Variants in UACA observed in about 807,000 individuals in gnomAD.
UACA encodes nuclear membrane binding protein.
In UACA, 112 loss-of-function variants were observed where a neutral mutation model predicts 160.5. The observed-to-expected ratio is 0.70, with a 90% CI of 0.60 to 0.82. The LOEUF (loss-of-function observed/expected upper bound fraction) is 0.82, where lower values mean the gene tolerates loss of function less well. UACA is among the 40% of genes least tolerant of loss of function. The pLI is 0.00. For synonymous variants in UACA, 557 were observed against 568.4 expected, an observed-to-expected ratio of 0.98 and a Z score of 0.29; for missense variants, 1,574 against 1,614.6, an observed-to-expected ratio of 0.97 and a Z score of 0.43.
At chr15:70,691,668 A>C (rs929229664) in intron 3 of UACA, among the ~76,000 whole-genome samples, 1 of 152,180 alleles carries the variant, frequency 6.6e-6, no homozygotes, top group Admixed American at 6.5e-5. Context: ...CAGATAATTA[A>C]ATACTGGCAC....
intron 1 of UACA, among the ~76,000 whole-genome samples, chr15:70,736,022 T>A (rs910611613): frequency 1.9e-4 from 29 of 152,216 alleles, no homozygotes; most frequent in Non-Finnish European, 3.4e-4. Flanking sequence ...AGGTTTTTTT[T>A]ATACTTTTGT....
At chr15:70,763,609 C>A (rs549489480), upstream of UACA, 1,890 of 1,140,542 alleles carry the variant, frequency 1.7e-3, 24 homozygotes, top group African/African-American at 0.027. Flanking sequence ...GCTGCCCTGG[C>A]GGGGGCGTGG....
chr15:70,659,391 G>GTTTTTTTT (rs1375150038), intron 18 of UACA, among the ~76,000 whole-genome samples: 4 of 9,962 alleles, frequency 4.0e-4, no homozygotes, highest in Non-Finnish European at 8.4e-4. Flanking sequence ...TTCATTTTTT[G>GTTTTTTTT]TTTGTTTTTT....
chr15:70,661,616 C>A (rs1896708838), intron 17 of UACA: 1 of 152,098 alleles, frequency 6.6e-6, no homozygotes, highest in Non-Finnish European at 1.5e-5. Flanking sequence ...ACATCAGCAA[C>A]AATTTACATG....
At chr15:70,710,957 CTGGAG>C (rs1898665699) in intron 1 of UACA, among the ~76,000 whole-genome samples, 1 of 152,202 alleles carries the variant, frequency 6.6e-6, no homozygotes, top group African/African-American at 2.4e-5. Flanking sequence ...GCCCCTGAGG[CTGGAG>C]TGGGCTGAAA....
chr15:70,763,507 G>C lies in UACA; in HGVS notation c.-100C>G. 1 of 1,251,216 alleles carries C rather than the reference G, an allele frequency of 8.0e-7. No individual in the cohort carries two copies. Among genetic ancestry groups the C allele is most frequent in the Non-Finnish European group, 1.0e-6 (1 of 991,994 alleles). The allele number at this position is 1,251,216 out of a possible 1,614,324, so 77.5% of individuals were successfully genotyped here. A position where few individuals can be genotyped will look rare whatever the true frequency, so the allele number is the denominator to read the frequency against. On this transcript the variant is annotated 5_prime_UTR_variant, in exon 1 of 19. Coordinates refer to ENST00000322954, the MANE Select transcript of UACA (RefSeq NM_018003.4). ...GGCTGCAGCAGAGGCGGCGCGGGCT[G>C]TACCAGCCCCACCTGCCTGCCACCT...
At chr15:70,701,872 C>A in intron 1 of UACA, 1 of 1,611,528 alleles carries the variant, frequency 6.2e-7, no homozygotes, top group Non-Finnish European at 8.5e-7. Flanking sequence ...TACTGGGATA[C>A]CTACTCTGTT....
chr15:70,666,770 C>G lies in UACA; in HGVS notation c.3914G>C (p.Arg1305Thr). The change falls in exon 16 of 19, where the codon AGA (arginine) becomes ACA (threonine). Residue 1305 changes from arginine (R) to threonine (T), a missense_variant. Transcript: ENST00000322954. Reference sequence around the variant, plus strand: ...TTGTTTAGCAGATTCTTGTATTCTTCTTTGTAACTCTGTGATTGTTGTTAA... The same window carrying G: ...TTGTTTAGCAGATTCTTGTATTCTTGTTTGTAACTCTGTGATTGTTGTTAA... ...KSLTTITELQ[R>T]RIQESAKQIE... The G allele has an allele frequency of 6.2e-7, 1 of 1,609,724 alleles. No individual in the cohort carries two copies. The highest frequency in any genetic ancestry group is 2.2e-5 in the East Asian group (1 of 44,840).
In UACA at chr15:70,695,123, A is replaced by G. The variant is rs1401554921; in HGVS notation, c.213-18T>C. Reference sequence around the variant, plus strand: ...CATGGAAGCTAAACAAAAAAAAAATATTTGTTGTGCTAAGGAAACAACCAA... The same window carrying G: ...CATGGAAGCTAAACAAAAAAAAAATGTTTGTTGTGCTAAGGAAACAACCAA... On this transcript the variant is annotated intron_variant, in intron 2 of 18. Transcript: ENST00000322954. The G allele has an allele frequency of 6.4e-7, 1 of 1,558,748 alleles. No individual in the cohort carries two copies. Among genetic ancestry groups the G allele is most frequent in the South Asian group, 1.2e-5 (1 of 83,294 alleles).
At chr15:70,669,662 C>A (rs1171707806) in intron 15 of UACA, among the ~76,000 whole-genome samples, 200 bp from the exon 16 acceptor site, 1 of 152,114 alleles carries the variant, frequency 6.6e-6, no homozygotes, top group East Asian at 1.9e-4. Flanking sequence ...TTAATACATT[C>A]ACAACATTTT....
At chr15:70,778,886 G>C in the UACA span, 1 of 152,164 alleles carries the variant, frequency 6.6e-6, no homozygotes, top group Admixed American at 6.5e-5. Flanking sequence ...TTTCACTTTT[G>C]TTCTTCACTG....
intron 1 of UACA, among the ~76,000 whole-genome samples, chr15:70,721,893 T>C (rs961461587): frequency 6.6e-6 from 1 of 152,168 alleles, no homozygotes; most frequent in Non-Finnish European, 1.5e-5. Flanking sequence ...CTGGTAAACA[T>C]TCAATTAAAG....
At chr15:70,674,722 T>A (rs540853246) in intron 13 of UACA, among the ~76,000 whole-genome samples, 10 of 152,092 alleles carry the variant, frequency 6.6e-5, no homozygotes, top group Non-Finnish European at 1.3e-4. Context: ...TTCAGCCTCC[T>A]GAGTAGCTGG....
At chr15:70,665,974 A>G (rs922288357) in intron 16 of UACA, among the ~76,000 whole-genome samples, 1 of 152,226 alleles carries the variant, frequency 6.6e-6, no homozygotes, top group Non-Finnish European at 1.5e-5. Context: ...TTGAGTACCT[A>G]TTCTGTAAAT....
intron 1 of UACA, among the ~76,000 whole-genome samples, chr15:70,720,783 T>C (rs538263088): frequency 1.2e-4 from 18 of 152,194 alleles, no homozygotes; most frequent in Non-Finnish European, 2.2e-4. Context: ...TTACCAGCCC[T>C]GTCTTTGAAG....
upstream of UACA, among the ~76,000 whole-genome samples, chr15:70,767,664 C>T (rs990271364): frequency 1.3e-5 from 2 of 152,174 alleles, no homozygotes; most frequent in South Asian, 4.1e-4. Flanking sequence ...TAAAGATCTC[C>T]TTCCAGACAA....
intron 3 of UACA, among the ~76,000 whole-genome samples, chr15:70,692,001 A>T (rs1025608568): frequency 6.6e-6 from 1 of 152,070 alleles, no homozygotes; most frequent in Non-Finnish European, 1.5e-5. Context: ...GAATACCAGA[A>T]AAGAAACTTG....
upstream of UACA, among the ~76,000 whole-genome samples, chr15:70,765,453 C>A (rs2030987137): frequency 6.6e-6 from 1 of 152,144 alleles, no homozygotes; most frequent in Admixed American, 6.5e-5. Context: ...CTCTATAGAA[C>A]CTTCCCTGAT....
intron 16 of UACA, among the ~76,000 whole-genome samples, chr15:70,666,051 G>A (rs1339358784): frequency 6.6e-6 from 1 of 152,038 alleles, no homozygotes; most frequent in African/African-American, 2.4e-5. Context: ...AAACTGATTG[G>A]GAAGATCAAC....
Sources: allele counts gnomAD v4.1 joint callset (sites outside exome capture counted in the v4.1 genomes callset), GRCh38; gene constraint gnomAD v4.1.1; transcripts MANE v1.5; gene names NCBI Gene and HGNC (gene_info 2026-07-23, HGNC 2026-07-21).